CEP350: variants seen among roughly 807,000 people sequenced by gnomAD.
The protein encoded by CEP350 is centrosome-associated protein 350.
Under a neutral mutation model 331.8 loss-of-function variants are expected in CEP350, and 126 were observed. The ratio of observed to expected loss-of-function variants is 0.38; its 90% CI spans 0.33 to 0.44. CEP350 has a LOEUF of 0.44. Among genes scored for constraint, CEP350 ranks in the 20% least tolerant of loss-of-function variants. The pLI, the probability that CEP350 is intolerant of heterozygous loss-of-function variation, is 1.00. For missense variants in CEP350, 3,406 were observed against 3,634.6 expected (o/e 0.94, Z 1.62); for synonymous variants, 1,200 against 1,259.5 (o/e 0.95, Z 1.00).
intron 27 of CEP350, among the ~76,000 whole-genome samples, chr1:180,067,925 G>T (rs1383446915): frequency 1.3e-5 from 2 of 152,168 alleles, no homozygotes; most frequent in Non-Finnish European, 2.9e-5. Flanking sequence ...CGCTATGGTA[G>T]ACACCTAACA....
rs1203774605 is a variant in CEP350, at chr1:180,095,709, G to A, written c.8698G>A (p.Ala2900Thr). The A allele has an allele frequency of 6.2e-7, 1 of 1,613,938 alleles. No homozygotes were observed. The highest frequency in any genetic ancestry group is 1.1e-5 in the South Asian group (1 of 91,072). ...KAEETIVPLM[A>T]EPKRVTQQPC... ...AGAAGAAACCATTGTACCTCTAATG[G>A]CAGAACCTAAAAGAGTAACCCAACA... is the stretch of plus-strand genomic sequence containing the variant. Residue 2900 changes from alanine (A) to threonine (T), a missense_variant, in exon 35 of 38, where the codon GCA becomes ACA. Physicochemically the swap from Ala to Thr is moderately conservative, Grantham distance 58. This residue lies in a region of CEP350 where 1,415 missense variants were observed against 1,512.3 expected (regional missense o/e 0.94). Coordinates refer to ENST00000367607, the MANE Select transcript of CEP350 (RefSeq NM_014810.5).
At chr1:180,015,725 C>T in intron 10 of CEP350, 124 bp from the exon 11 acceptor site, 2 of 1,146,134 alleles carry the variant, frequency 1.7e-6, no homozygotes, top group East Asian at 2.8e-5. Context: ...TTTTGTTTGA[C>T]AAAAAAAAAC....
intron 17 of CEP350, among the ~76,000 whole-genome samples, chr1:180,040,511 C>A (rs1656692070): frequency 6.6e-6 from 1 of 151,774 alleles, no homozygotes; most frequent in Non-Finnish European, 1.5e-5. Context: ...TGATCTTGAA[C>A]TCCTGGCCTC....
intron 1 of CEP350, among the ~76,000 whole-genome samples, chr1:179,955,355 G>A (rs985383611): frequency 6.6e-6 from 1 of 152,170 alleles, no homozygotes; most frequent in African/African-American, 2.4e-5. Context: ...TGCTGAAGAC[G>A]GAATTTCCTT....
At chr1:180,015,659 G>A (rs564965854) in intron 10 of CEP350, among the ~76,000 whole-genome samples, 190 bp from the exon 11 acceptor site, 22 of 152,112 alleles carry the variant, frequency 1.4e-4, no homozygotes, top group African/African-American at 5.3e-4. Flanking sequence ...TTGGATTTTA[G>A]ATGGTGTTTT....
intron 1 of CEP350, among the ~76,000 whole-genome samples, chr1:179,964,893 CAATT>C (rs773909147): frequency 8.6e-5 from 13 of 151,132 alleles, no homozygotes; most frequent in South Asian, 6.3e-4. Flanking sequence ...GTTTTGGTCT[CAATT>C]AATTTAGTTC....
intron 14 of CEP350, among the ~76,000 whole-genome samples, chr1:180,026,033 C>T (rs909665848): frequency 1.3e-5 from 2 of 152,000 alleles, no homozygotes; most frequent in African/African-American, 4.8e-5. Flanking sequence ...AGTAAATCTC[C>T]TCTAGTTCTT....
intron 1 of CEP350, among the ~76,000 whole-genome samples, chr1:179,984,324 G>C (rs1166131350): frequency 6.6e-6 from 1 of 152,162 alleles, no homozygotes; most frequent in Non-Finnish European, 1.5e-5. Flanking sequence ...AGCTCATCTG[G>C]GTGATTTTGG....
At chr1:179,996,108 T>C (rs999159787) in intron 5 of CEP350, among the ~76,000 whole-genome samples, 1 of 152,222 alleles carries the variant, frequency 6.6e-6, no homozygotes, top group Non-Finnish European at 1.5e-5. Flanking sequence ...TCTTATTTTA[T>C]AATATGCAGA....
chr1:179,974,643 GAATT>G (rs1242746712), intron 1 of CEP350, among the ~76,000 whole-genome samples: 4 of 152,164 alleles, frequency 2.6e-5, no homozygotes, highest in South Asian at 2.1e-4. Flanking sequence ...TTGAATGAAT[GAATT>G]ATGTATGATA....
At chr1:180,031,637 A>T in intron 15 of CEP350, 143 bp downstream of exon 15, 1 of 373,982 alleles carries the variant, frequency 2.7e-6, no homozygotes. Context: ...TTTTACAAAT[A>T]GACTTCATAG....
intron 11 of CEP350, among the ~76,000 whole-genome samples, chr1:180,016,492 G>A (rs1654981741): frequency 6.6e-6 from 1 of 151,974 alleles, no homozygotes; most frequent in South Asian, 2.1e-4. Flanking sequence ...TATATTGTTT[G>A]CAATAAAGTA....
intron 1 of CEP350, among the ~76,000 whole-genome samples, chr1:179,977,712 C>G (rs1651973342): frequency 6.6e-6 from 1 of 152,114 alleles, no homozygotes; most frequent in African/African-American, 2.4e-5. Context: ...ACACTGTGCA[C>G]TTAGGCTACA....
intron 30 of CEP350, among the ~76,000 whole-genome samples, chr1:180,081,131 G>A (rs962566574): frequency 1.1e-4 from 16 of 152,050 alleles, no homozygotes; most frequent in African/African-American, 3.9e-4. Context: ...GCCTCCCAAA[G>A]TGCTGGGATT....
rs1478950144 is a variant in CEP350, at chr1:180,093,703, A to T, written c.7598A>T (p.Lys2533Ile). The T allele has an allele frequency of 6.2e-7, 1 of 1,613,982 alleles. No homozygotes were observed. The highest frequency in any genetic ancestry group is 1.1e-5 in the South Asian group (1 of 91,078). ...KGFWAGVELDKPEGNNNGTYD... is the reference protein window; with the variant it reads ...KGFWAGVELDIPEGNNNGTYD... Reference sequence around the variant, plus strand: ...TTTTGGGCCGGAGTGGAGTTAGATAAACCTGAAGGAAATAACAATGGAACA... The same window carrying T: ...TTTTGGGCCGGAGTGGAGTTAGATATACCTGAAGGAAATAACAATGGAACA... Residue 2533 changes from lysine to isoleucine, a missense_variant, in exon 34 of 38, where the codon AAA becomes ATA. Physicochemically the swap from Lys to Ile is moderately radical, Grantham distance 102. Around this residue, in one of 5 missense-constraint regions of CEP350, gnomAD observed 1,415 missense variants for 1,512.3 expected, o/e 0.94. Transcript: ENST00000367607.
intron 1 of CEP350, among the ~76,000 whole-genome samples, chr1:179,959,992 C>A (rs1650466931): frequency 6.6e-6 from 1 of 152,078 alleles, no homozygotes; most frequent in African/African-American, 2.4e-5. Flanking sequence ...ACTTCTAAGA[C>A]CCCAAACACC....
chr1:180,004,914 T>TCTTG (rs1654141898), intron 7 of CEP350, among the ~76,000 whole-genome samples: 1 of 57,890 alleles, frequency 1.7e-5, no homozygotes, highest in African/African-American at 5.0e-5. Context: ...TTGCTTTCTT[T>TCTTG]CTTTCTTTCT....
intron 1 of CEP350, among the ~76,000 whole-genome samples, chr1:179,969,939 T>G (rs1558068929): frequency 6.6e-6 from 1 of 152,238 alleles, no homozygotes; most frequent in Admixed American, 6.5e-5. Flanking sequence ...AAAATAATCC[T>G]GACTTGCAAA....
intron 1 of CEP350, among the ~76,000 whole-genome samples, chr1:179,969,789 T>C (rs1651300824): frequency 6.6e-6 from 1 of 151,936 alleles, no homozygotes; most frequent in South Asian, 2.1e-4. Context: ...CCCTGTCTTC[T>C]AAAAAATAAA....
Sources: allele counts gnomAD v4.1 joint callset (sites outside exome capture counted in the v4.1 genomes callset), GRCh38; gene constraint gnomAD v4.1.1; regional missense constraint gnomAD v4.1.1; transcripts MANE v1.5; gene names NCBI Gene and HGNC (gene_info 2026-07-23, HGNC 2026-07-21).